The following LPP variants were observed in gnomAD, a reference collection of about 807,000 sequenced individuals.
The protein encoded by LPP is LIM domain containing preferred translocation partner in lipoma.
A neutral mutation model predicts 60.4 loss-of-function variants in LPP; 38 were observed. That is an observed-to-expected ratio of 0.63 (90% CI 0.49 to 0.83). LPP has a LOEUF of 0.83. Ranked by LOEUF, LPP falls within the 40% of genes least tolerant of loss-of-function variation. The pLI, the probability that LPP is intolerant of heterozygous loss-of-function variation, is 0.00. For missense variants in LPP, 902 were observed against 783.6 expected (o/e 1.15, Z -1.80); for synonymous variants, 328 against 290.8 (o/e 1.13, Z -1.30).
At chr3:188,327,083 T>C (rs1226044768) in intron 2 of LPP, among the ~76,000 whole-genome samples, 1 of 152,196 alleles carries the variant, frequency 6.6e-6, no homozygotes, top group East Asian at 1.9e-4. Flanking sequence ...ATCAACTCAT[T>C]TGACCACATA....
chr3:188,305,443 A>G (rs1751214132), intron 2 of LPP, among the ~76,000 whole-genome samples: 1 of 152,210 alleles, frequency 6.6e-6, no homozygotes, highest in Admixed American at 6.5e-5. Context: ...GATAGGTACA[A>G]ATAACCTGTA....
At chr3:188,856,206 C>G (rs1026372067) in intron 9 of LPP, among the ~76,000 whole-genome samples, 1 of 152,162 alleles carries the variant, frequency 6.6e-6, no homozygotes, top group African/African-American at 2.4e-5. Context: ...TCTGTACACA[C>G]TCTAAATGCA....
intron 2 of LPP, among the ~76,000 whole-genome samples, chr3:188,305,260 A>T (rs1751156613): frequency 6.6e-6 from 1 of 152,194 alleles, no homozygotes; most frequent in Admixed American, 6.5e-5. Context: ...TGTTACCTTG[A>T]TTTCAGTGTT....
chr3:188,479,045 C>T (rs1272860917), intron 4 of LPP, among the ~76,000 whole-genome samples: 1 of 152,078 alleles, frequency 6.6e-6, no homozygotes, highest in African/African-American at 2.4e-5. Context: ...AGCCATGCAC[C>T]CAGCCACTAG....
At chr3:188,376,775 T>C (rs1320954703) in intron 3 of LPP, among the ~76,000 whole-genome samples, 1 of 152,228 alleles carries the variant, frequency 6.6e-6, no homozygotes, top group Non-Finnish European at 1.5e-5. Context: ...TTTTGCTCGC[T>C]AGTTGATGCA....
chr3:188,406,828 G>A (rs1220537312), intron 4 of LPP, among the ~76,000 whole-genome samples: 1 of 152,114 alleles, frequency 6.6e-6, no homozygotes. Flanking sequence ...TGTGAGATCT[G>A]CATTTGTTGA....
intron 9 of LPP, among the ~76,000 whole-genome samples, chr3:188,766,806 A>G (rs1413846863): frequency 6.6e-6 from 1 of 152,204 alleles, no homozygotes; most frequent in Non-Finnish European, 1.5e-5. Flanking sequence ...TCATCTCAGT[A>G]TAATAGTTCA....
intron 7 of LPP, among the ~76,000 whole-genome samples, chr3:188,661,431 A>G (rs1576898656): frequency 1.3e-5 from 2 of 152,210 alleles, no homozygotes; most frequent in Non-Finnish European, 2.9e-5. Flanking sequence ...CTTCCAAAGT[A>G]TCTGTACCAT....
intron 7 of LPP, among the ~76,000 whole-genome samples, chr3:188,644,455 T>C (rs1319443241): frequency 6.6e-6 from 1 of 152,182 alleles, no homozygotes; most frequent in Admixed American, 6.5e-5. Context: ...TAAATTGATA[T>C]GGGAAATGAT....
chr3:188,650,576 G>A (rs1851890253), intron 7 of LPP, among the ~76,000 whole-genome samples: 1 of 152,062 alleles, frequency 6.6e-6, no homozygotes, highest in Admixed American at 6.6e-5. Flanking sequence ...CATTCTAATG[G>A]ACCTATACCA....
chr3:188,255,568 G>T (rs941105101), intron 2 of LPP, among the ~76,000 whole-genome samples: 1 of 152,168 alleles, frequency 6.6e-6, no homozygotes, highest in Non-Finnish European at 1.5e-5. Flanking sequence ...ATGGTTAGTT[G>T]TATACACAGT....
chr3:188,773,841 G>A (rs1408219369), intron 9 of LPP, among the ~76,000 whole-genome samples: 1 of 152,022 alleles, frequency 6.6e-6, no homozygotes, highest in Non-Finnish European at 1.5e-5. Context: ...ACTAGTGGAA[G>A]GGGGCATAGG....
At chr3:188,762,199 G>C (rs147235096) in intron 9 of LPP, among the ~76,000 whole-genome samples, 1 of 152,094 alleles carries the variant, frequency 6.6e-6, no homozygotes, top group Non-Finnish European at 1.5e-5. Context: ...TTTGAATTTC[G>C]TTACGTCACT....
At chr3:188,571,726 C>G (rs537683313) in intron 6 of LPP, among the ~76,000 whole-genome samples, 19 of 151,946 alleles carry the variant, frequency 1.3e-4, no homozygotes, top group African/African-American at 4.6e-4. Flanking sequence ...ATGGAACACT[C>G]TGTATCCTCC....
intron 9 of LPP, among the ~76,000 whole-genome samples, chr3:188,838,555 C>A (rs951109199): frequency 6.6e-6 from 1 of 152,164 alleles, no homozygotes; most frequent in African/African-American, 2.4e-5. Flanking sequence ...CCATTTCATA[C>A]TCTGATTTTC....
At chr3:188,707,613 C>T (rs1222228619) in intron 7 of LPP, among the ~76,000 whole-genome samples, 1 of 152,168 alleles carries the variant, frequency 6.6e-6, no homozygotes, top group Non-Finnish European at 1.5e-5. Flanking sequence ...GAACTAGAAC[C>T]AAAATGTTCG....
Position 188,179,289 on chromosome 3 carries a change from C to A in LPP, c.-190+25037C>A, listed in dbSNP as rs199907906. Reference sequence around the variant, plus strand: ...TGTCTTCGCAGCGGAGCTTCTTTATCTGACCCGTGCATGTGCCTCTGATGA... The same window carrying A: ...TGTCTTCGCAGCGGAGCTTCTTTATATGACCCGTGCATGTGCCTCTGATGA... On this transcript the variant is annotated intron_variant, in intron 1 of 11. Coordinates refer to ENST00000617246, the MANE Select transcript of LPP (RefSeq NM_001375462.1). 3.1e-5 allele frequency: 14 copies of A among 458,394 alleles called. No individual in the cohort carries two copies. In the East Asian group the frequency reaches 9.7e-4, roughly 32 times the overall value. The allele number at this position is 458,394 out of a possible 1,614,324, so 28.4% of individuals were successfully genotyped here. A position where few individuals can be genotyped will look rare whatever the true frequency, so the allele number is the denominator to read the frequency against.
At chr3:188,684,084 C>T (rs952893150) in intron 7 of LPP, among the ~76,000 whole-genome samples, 4 of 152,330 alleles carry the variant, frequency 2.6e-5, no homozygotes, top group East Asian at 1.9e-4. Context: ...AAGACACATA[C>T]GCATTGGCTG....
chr3:188,490,722 A>G (rs1168323290), intron 5 of LPP, among the ~76,000 whole-genome samples: 3 of 144,964 alleles, frequency 2.1e-5, no homozygotes, highest in African/African-American at 7.6e-5. Context: ...TTGAAAATCA[A>G]TTCAAGTTTT....
Sources: gnomAD v4.1 joint callset for allele counts (sites outside exome capture counted in the v4.1 genomes callset) on GRCh38, gnomAD v4.1.1 for gene constraint, MANE v1.5 for transcripts, NCBI Gene and HGNC (gene_info 2026-07-23, HGNC 2026-07-21) for gene names.